The following RALGPS2 variants were observed in gnomAD, a reference collection of about 807,000 sequenced individuals.
RALGPS2 encodes Ral GEF with PH domain and SH3 binding motif 2.
In RALGPS2, 43 loss-of-function variants were observed where a neutral mutation model predicts 86.8. That is an observed-to-expected ratio of 0.50 (90% CI 0.39 to 0.64). The LOEUF (loss-of-function observed/expected upper bound fraction) is 0.64, where lower values mean the gene tolerates loss of function less well. Ranked by LOEUF, RALGPS2 falls within the 30% of genes least tolerant of loss-of-function variation. RALGPS2 has a pLI of 0.00. For synonymous variants in RALGPS2, 243 were observed against 231.3 expected (o/e 1.05, Z -0.46); for missense variants, 536 against 694.6 (o/e 0.77, Z 2.57).
intron 19 of RALGPS2, 140 bp from the exon 20 acceptor site, chr1:178,916,190 A>G (rs1660806986): frequency 3.1e-6 from 2 of 643,810 alleles, no homozygotes; most frequent in Admixed American, 6.0e-5. Context: ...TTCATAAACT[A>G]TTGAAGCTCC....
intron 8 of RALGPS2, among the ~76,000 whole-genome samples, chr1:178,840,214 T>C (rs1441729607): frequency 6.6e-6 from 1 of 152,096 alleles, no homozygotes; most frequent in Non-Finnish European, 1.5e-5. Context: ...CTCAGCACCA[T>C]GTTGCACTTA....
rs139914984 is a variant in RALGPS2 at position 178,878,350 on chromosome 1, A to G, written c.746-552A>G. Among the ~76,000 whole-genome samples, 13 of 152,288 alleles carry G rather than the reference A, an allele frequency of 8.5e-5. No homozygotes were observed. The East Asian group carries it at 2.5e-3, about 29-fold the overall frequency. On this transcript the variant is annotated intron_variant, in intron 9 of 19. Coordinates refer to ENST00000367635, the MANE Select transcript of RALGPS2 (RefSeq NM_152663.5). ...ATTACTTCAAGTGAATTTATCTTAAAGCTAACTTTTGCTTCATGCATCTAT... is the reference window on the plus strand; with the variant it reads ...ATTACTTCAAGTGAATTTATCTTAAGGCTAACTTTTGCTTCATGCATCTAT...
chr1:178,745,158 A>G (rs145283396), intron 1 of RALGPS2, among the ~76,000 whole-genome samples: 2 of 152,338 alleles, frequency 1.3e-5, no homozygotes, highest in African/African-American at 4.8e-5. Flanking sequence ...TTTATGGGTG[A>G]GAAGACTCGT....
chr1:178,900,375 T>C (rs1044727136), intron 17 of RALGPS2, among the ~76,000 whole-genome samples: 2 of 151,964 alleles, frequency 1.3e-5, no homozygotes, highest in Non-Finnish European at 2.9e-5. Context: ...GGAGACACTT[T>C]CCTGCCATTA....
chr1:178,779,162 T>C (rs1288269914), intron 2 of RALGPS2, among the ~76,000 whole-genome samples: 2 of 152,168 alleles, frequency 1.3e-5, no homozygotes, highest in Non-Finnish European at 2.9e-5. Flanking sequence ...TGGAATGTTG[T>C]AAGGGCTTAC....
chr1:178,727,833 C>T (rs1445982176), intron 1 of RALGPS2, among the ~76,000 whole-genome samples: 2 of 152,084 alleles, frequency 1.3e-5, no homozygotes, highest in Non-Finnish European at 2.9e-5. Context: ...GGAGACACAA[C>T]AGGGCTTATC....
chr1:178,750,981 C>T (rs547696609), intron 1 of RALGPS2, among the ~76,000 whole-genome samples: 1 of 152,180 alleles, frequency 6.6e-6, no homozygotes, highest in South Asian at 2.1e-4. Context: ...GGGAATTGGA[C>T]AATGTATGGC....
Position 178,812,630 on chromosome 1 carries a change from T to C in RALGPS2, c.387+1226T>C, listed in dbSNP as rs180698943. ...TTAGGGTAATATATTTTTGGTTTCCTTTAATGTTAAGTTCACTAAGAAGTA... is the reference window on the plus strand; with the variant it reads ...TTAGGGTAATATATTTTTGGTTTCCCTTAATGTTAAGTTCACTAAGAAGTA... On this transcript the variant is annotated intron_variant, in intron 6 of 19. Transcript: ENST00000367635. Among the ~76,000 whole-genome samples the C allele has an allele frequency of 2.7e-4, 41 of 152,346 alleles. 1 individual carries two copies. Among genetic ancestry groups the C allele is most frequent in the African/African-American group, 8.7e-4 (36 of 41,576 alleles).
intron 8 of RALGPS2, among the ~76,000 whole-genome samples, chr1:178,856,394 A>ATTTTTTTTTTT (rs71108081): frequency 0.017 from 607 of 36,440 alleles, 151 homozygotes; most frequent in Middle Eastern, 0.037. Flanking sequence ...TGCCTGGCTA[A>ATTTTTTTTTTT]TTTTTTTTTT....
chr1:178,850,505 GTT>G (rs61036775), intron 8 of RALGPS2: 1 of 150,730 alleles, frequency 6.6e-6, no homozygotes, highest in East Asian at 1.9e-4. Context: ...TTATTTTTGG[GTT>G]TTTTTTTATT....
chr1:178,728,917 T>C lies in RALGPS2; in HGVS notation c.-84+3498T>C, dbSNP rs78770164. Among the ~76,000 whole-genome samples, 1,292 of 152,338 alleles carry C rather than the reference T, an allele frequency of 8.5e-3. 14 individuals carry two copies. The highest frequency in any genetic ancestry group is 0.029 in the African/African-American group (1,204 of 41,578). On this transcript the variant is annotated intron_variant, in intron 1 of 19. Transcript: ENST00000367635. The stretch of plus-strand genomic sequence containing the variant: ...AAAAAAGTTTGAATATAAATTTACA[T>C]AGTCACTTTACTAAGTAGCTAGTTA...
At chr1:178,847,651 T>C in intron 8 of RALGPS2, among the ~76,000 whole-genome samples, 1 of 152,316 alleles carries the variant, frequency 6.6e-6, no homozygotes, top group South Asian at 2.1e-4. Context: ...ATGTAAACCA[T>C]ATTACTTTAG....
In RALGPS2 at chr1:178,784,484, GTAT is replaced by G. The variant is rs1653552840; in HGVS notation, c.126_128del (p.Phe43del). Reference sequence around the variant, plus strand: ...ATTGAAGAAAAGCTTTGATGCTGTGGTATTCGATGTTCTTAAGGTTACACCAGA... The same window carrying G: ...ATTGAAGAAAAGCTTTGATGCTGTGGTCGATGTTCTTAAGGTTACACCAGA... On this transcript the variant is annotated inframe_deletion, in exon 3 of 20. Coordinates refer to ENST00000367635, the MANE Select transcript of RALGPS2 (RefSeq NM_152663.5). 3 of 1,605,634 alleles carry G rather than the reference GTAT, an allele frequency of 1.9e-6. No individual in the cohort carries two copies. Among genetic ancestry groups the G allele is most frequent in the Non-Finnish European group, 2.6e-6 (3 of 1,174,504 alleles).
At chr1:178,913,819 C>T (rs1660711522) in intron 19 of RALGPS2, among the ~76,000 whole-genome samples, 3 of 152,040 alleles carry the variant, frequency 2.0e-5, no homozygotes. Context: ...CTGGCTTTTT[C>T]CTCTGGCCTC....
intron 9 of RALGPS2, among the ~76,000 whole-genome samples, chr1:178,878,698 A>G (rs1659100799): frequency 6.6e-6 from 1 of 152,132 alleles, no homozygotes; most frequent in Non-Finnish European, 1.5e-5. Flanking sequence ...AAATACAACA[A>G]TCTATACAAA....
chr1:178,815,687 C>G (rs1442374672), intron 6 of RALGPS2, among the ~76,000 whole-genome samples: 1 of 152,172 alleles, frequency 6.6e-6, no homozygotes, highest in Non-Finnish European at 1.5e-5. Flanking sequence ...GATTCAGTGT[C>G]TGGTAAGGGC....
chr1:178,731,525 C>A (rs983024710), intron 1 of RALGPS2, among the ~76,000 whole-genome samples: 1 of 151,948 alleles, frequency 6.6e-6, no homozygotes, highest in Non-Finnish European at 1.5e-5. Flanking sequence ...TCAAGTGATC[C>A]GCCTACCTCG....
chr1:178,740,206 A>G (rs536319139), intron 1 of RALGPS2, among the ~76,000 whole-genome samples: 1 of 152,352 alleles, frequency 6.6e-6, no homozygotes, highest in East Asian at 1.9e-4. Flanking sequence ...TTTGAGTCCC[A>G]GAGTAGTAGT....
chr1:178,809,268 G>A (rs1654872046), intron 5 of RALGPS2, among the ~76,000 whole-genome samples: 1 of 151,836 alleles, frequency 6.6e-6, no homozygotes, highest in Non-Finnish European at 1.5e-5. Context: ...TAAGTGAATT[G>A]TTTTAGTCTG....
Sources: allele counts gnomAD v4.1 joint callset (sites outside exome capture counted in the v4.1 genomes callset), GRCh38; gene constraint gnomAD v4.1.1; transcripts MANE v1.5; gene names NCBI Gene and HGNC (gene_info 2026-07-23, HGNC 2026-07-21).